Variants in HS3ST4 observed in about 807,000 individuals in gnomAD.
HS3ST4 encodes the protein heparan sulfate-glucosamine 3-sulfotransferase 4.
Under a neutral mutation model 29.2 loss-of-function variants are expected in HS3ST4, and 17 were observed. The observed-to-expected ratio is 0.58, with a 90% CI of 0.40 to 0.87. HS3ST4 has a LOEUF of 0.87. Ranked by LOEUF, HS3ST4 falls within the 40% of genes least tolerant of loss-of-function variation. The pLI, the probability that HS3ST4 is intolerant of heterozygous loss-of-function variation, is 0.00. For missense variants in HS3ST4, 627 were observed against 634.5 expected, an observed-to-expected ratio of 0.99 and a Z score of 0.13; for synonymous variants, 314 against 285.7, an observed-to-expected ratio of 1.10 and a Z score of -1.00.
chr16:26,136,988 G>A lies in HS3ST4; in HGVS notation c.*740G>A, dbSNP rs1277320409. 1 of 152,280 alleles carries A rather than the reference G, an allele frequency of 6.6e-6. No individual in the cohort carries two copies. Among genetic ancestry groups the A allele is most frequent in the Non-Finnish European group, 1.5e-5 (1 of 68,160 alleles). The allele number at this position is 152,280 out of a possible 1,614,324, so 9.4% of individuals were successfully genotyped here. ...TCACTCTTCATGAGTATCCTGGGTTGTGCAGAAGCTTAGCATATGCCCTTG... is the reference window on the plus strand; with the variant it reads ...TCACTCTTCATGAGTATCCTGGGTTATGCAGAAGCTTAGCATATGCCCTTG... On this transcript the variant is annotated 3_prime_UTR_variant, in exon 2 of 2. Coordinates refer to ENST00000331351, the MANE Select transcript of HS3ST4 (RefSeq NM_006040.3).
chr16:25,848,897 T>G (rs1320626843), intron 1 of HS3ST4, among the ~76,000 whole-genome samples: 4 of 152,188 alleles, frequency 2.6e-5, no homozygotes, highest in Non-Finnish European at 4.4e-5. Flanking sequence ...CCTTGTTTTC[T>G]AATACATTTA....
chr16:25,896,021 G>C (rs368075240), intron 1 of HS3ST4, among the ~76,000 whole-genome samples: 7 of 152,228 alleles, frequency 4.6e-5, no homozygotes, highest in African/African-American at 1.7e-4. Flanking sequence ...TTGGGAATGG[G>C]AGGTGCTGGG....
intron 1 of HS3ST4, among the ~76,000 whole-genome samples, chr16:25,864,590 C>G (rs1259689923): frequency 6.6e-6 from 1 of 152,080 alleles, no homozygotes; most frequent in African/African-American, 2.4e-5. Flanking sequence ...ACTCTACTCT[C>G]CTCTTCTATG....
At chr16:25,897,780 ACT>A (rs1186637978) in intron 1 of HS3ST4, among the ~76,000 whole-genome samples, 2 of 151,226 alleles carry the variant, frequency 1.3e-5, no homozygotes, top group Non-Finnish European at 2.9e-5. Context: ...CACTGAAAAG[ACT>A]CTGGCTGATG....
chr16:26,058,105 A>G (rs1898431525), intron 1 of HS3ST4, among the ~76,000 whole-genome samples: 1 of 152,224 alleles, frequency 6.6e-6, no homozygotes, highest in African/African-American at 2.4e-5. Context: ...CAAGGAAAAC[A>G]GCCCCATTAA....
chr16:26,062,712 C>T (rs1223750855), intron 1 of HS3ST4: 6 of 171,304 alleles, frequency 3.5e-5, no homozygotes, highest in African/African-American at 7.1e-5. Context: ...GTGGAATGCA[C>T]GAGCTCATGT....
intron 1 of HS3ST4, among the ~76,000 whole-genome samples, chr16:25,913,716 A>G (rs1968261921): frequency 6.6e-6 from 1 of 151,662 alleles, no homozygotes; most frequent in African/African-American, 2.4e-5. Context: ...GTGTGTGTGT[A>G]GTGTGGTGTA....
intron 1 of HS3ST4, among the ~76,000 whole-genome samples, chr16:25,893,260 G>T (rs1163209708): frequency 3.3e-5 from 5 of 152,174 alleles, no homozygotes; most frequent in African/African-American, 1.2e-4. Context: ...GGATGGTGCT[G>T]GGATTATGGC....
At chr16:25,952,000 G>GAA (rs61380911) in intron 1 of HS3ST4, among the ~76,000 whole-genome samples, 5 of 150,396 alleles carry the variant, frequency 3.3e-5, no homozygotes, top group African/African-American at 1.2e-4. Flanking sequence ...AAAGAAAAAG[G>GAA]AAAAAAAAAG....
chr16:26,136,306 C>A lies in HS3ST4; in HGVS notation c.*58C>A. On this transcript the variant is annotated 3_prime_UTR_variant, in exon 2 of 2. Coordinates refer to ENST00000331351, the MANE Select transcript of HS3ST4 (RefSeq NM_006040.3). ...GCTAAGGAGGCTCCTTGCCTGAGTC[C>A]TTGAATACCCCAGCTTCTGCAGCTT... 1 of 1,464,600 alleles carries A rather than the reference C, an allele frequency of 6.8e-7. No individual in the cohort carries two copies. The highest frequency in any genetic ancestry group is 9.2e-7 in the Non-Finnish European group (1 of 1,091,818). 90.7% of individuals were successfully genotyped at this position (1,464,600 alleles called of 1,614,324 possible). A position where few individuals can be genotyped will look rare whatever the true frequency, so the allele number is the denominator to read the frequency against.
chr16:25,693,286 C>T (rs1567221386), intron 1 of HS3ST4, 135 bp downstream of exon 1: 3 of 979,816 alleles, frequency 3.1e-6, no homozygotes, highest in East Asian at 6.2e-5. Context: ...TCTGCAAACC[C>T]TGGCGGCGTT....
chr16:25,960,238 C>T (rs997662191), intron 1 of HS3ST4, among the ~76,000 whole-genome samples: 1 of 152,150 alleles, frequency 6.6e-6, no homozygotes, highest in African/African-American at 2.4e-5. Flanking sequence ...GTAAAAGCTT[C>T]CTGAGGCCTT....
intron 1 of HS3ST4, among the ~76,000 whole-genome samples, chr16:25,784,792 A>T (rs1405898746): frequency 6.6e-6 from 1 of 152,238 alleles, no homozygotes; most frequent in Non-Finnish European, 1.5e-5. Context: ...GAAGATCTAG[A>T]TAAAGTAATT....
chr16:26,016,368 G>A (rs983785389), intron 1 of HS3ST4, among the ~76,000 whole-genome samples: 4 of 152,184 alleles, frequency 2.6e-5, no homozygotes, highest in African/African-American at 4.8e-5. Flanking sequence ...TAGAAGCTAC[G>A]TGAACAGGGC....
At chr16:26,074,234 A>G (rs1898632937) in intron 1 of HS3ST4, among the ~76,000 whole-genome samples, 2 of 152,178 alleles carry the variant, frequency 1.3e-5, no homozygotes, top group African/African-American at 4.8e-5. Context: ...TTCCAAAATG[A>G]AAATTCTGCT....
intron 1 of HS3ST4, among the ~76,000 whole-genome samples, chr16:25,994,121 C>T (rs1203485225): frequency 6.6e-6 from 1 of 152,010 alleles, no homozygotes; most frequent in East Asian, 1.9e-4. Flanking sequence ...CTCCCAAAGG[C>T]TCCATCTCCA....
intron 1 of HS3ST4, among the ~76,000 whole-genome samples, chr16:26,096,848 C>T (rs1352968485): frequency 1.3e-5 from 2 of 152,148 alleles, no homozygotes; most frequent in African/African-American, 4.8e-5. Context: ...CGTCTCAGCC[C>T]AAAATCTCCT....
intron 1 of HS3ST4, among the ~76,000 whole-genome samples, chr16:25,964,652 C>T (rs775279262): frequency 2.0e-5 from 3 of 152,266 alleles, no homozygotes; most frequent in Admixed American, 6.5e-5. Flanking sequence ...AAAGCCTTTA[C>T]GCTCAGTCCC....
At chr16:25,802,948 T>C (rs1208089116) in intron 1 of HS3ST4, among the ~76,000 whole-genome samples, 2 of 151,280 alleles carry the variant, frequency 1.3e-5, no homozygotes, top group Non-Finnish European at 3.0e-5. Flanking sequence ...TGTGTGTGTG[T>C]GTGTGTGTGT....
Sources: allele counts gnomAD v4.1 joint callset (sites outside exome capture counted in the v4.1 genomes callset), GRCh38; gene constraint gnomAD v4.1.1; transcripts MANE v1.5; gene names NCBI Gene and HGNC (gene_info 2026-07-23, HGNC 2026-07-21).